ATP5MG: variants seen among roughly 807,000 people sequenced by gnomAD.
ATP5MG encodes the protein ATP synthase F(0) complex subunit g, mitochondrial.
In ATP5MG, 7 loss-of-function variants were observed where a neutral mutation model predicts 12.7. The observed-to-expected ratio is 0.55, with a 90% CI of 0.31 to 1.04. The LOEUF (loss-of-function observed/expected upper bound fraction) is 1.04, where lower values mean the gene tolerates loss of function less well. Ranked by LOEUF, ATP5MG falls within the 50% of genes least tolerant of loss-of-function variation. The pLI, the probability that ATP5MG is intolerant of heterozygous loss-of-function variation, is 0.05. For synonymous variants in ATP5MG, 53 were observed against 48.2 expected (o/e 1.10, Z -0.41); for missense variants, 116 against 126.7 (o/e 0.92, Z 0.41).
rs551867454 is a variant in ATP5MG at position 118,407,064 on chromosome 11, T to C, written c.180T>C (p.Ala60=). ...IQSLKKIVNS[A]QTGSFKQLTV... ...GCCTGAAAAAAATAGTCAATAGTGC[T>C]CAGACTGGTAGCTTCAAACAGCTCA... Residue 60 remains alanine, a synonymous_variant, in exon 2 of 3, where the codon GCT becomes GCC. Transcript: ENST00000300688. 81 of 1,614,042 alleles carry C rather than the reference T, an allele frequency of 5.0e-5. No individual in the cohort carries two copies. Among genetic ancestry groups the C allele is most frequent in the Non-Finnish European group, 6.7e-5 (79 of 1,180,032 alleles).
intron 2 of ATP5MG, 66 bp from the exon 3 acceptor site, chr11:118,408,930 AATAT>A (rs373160251): frequency 3.7e-4 from 152 of 410,550 alleles, no homozygotes; most frequent in East Asian, 6.7e-4. Context: ...AATAGTTTCA[AATAT>A]ATATATATAT....
intron 2 of ATP5MG, chr11:118,407,382 T>C (rs1948982191): frequency 6.6e-6 from 2 of 303,616 alleles, no homozygotes; most frequent in Non-Finnish European, 1.2e-5. Context: ...TTAGATAGTA[T>C]ACTAAAATAT....
intron 2 of ATP5MG, among the ~76,000 whole-genome samples, chr11:118,407,886 G>A (rs1555132392): frequency 6.6e-6 from 1 of 151,534 alleles, no homozygotes; most frequent in African/African-American, 2.4e-5. Context: ...AAAAAGGCTG[G>A]GCGCAGTGGC....
chr11:118,401,821 G>T (rs1948929876), intron 1 of ATP5MG, 104 bp downstream of exon 1: 11 of 1,399,154 alleles, frequency 7.9e-6, no homozygotes, highest in Admixed American at 5.1e-5. Flanking sequence ...GGGCCTGCGG[G>T]TGCCGGGGCG....
At chr11:118,406,234 G>A (rs1555132074) in intron 1 of ATP5MG, 1 of 152,280 alleles carries the variant, frequency 6.6e-6, no homozygotes, top group Non-Finnish European at 1.5e-5. Flanking sequence ...CAACTACCCT[G>A]GTTGTTAATG....
rs782349072 is a variant in ATP5MG at position 118,401,642 on chromosome 11, C to T, written c.-24C>T. The T allele has an allele frequency of 4.3e-6, 7 of 1,613,892 alleles. No homozygotes were observed. Among genetic ancestry groups the T allele is most frequent in the East Asian group, 2.2e-5 (1 of 44,876 alleles). On this transcript the variant is annotated 5_prime_UTR_variant, in exon 1 of 3. Transcript: ENST00000300688. ...GTGACATTCAGCCGGCGGTTCGGGG[C>T]GACGGACTCTCCATTCCAGAACCAT...
intron 2 of ATP5MG, among the ~76,000 whole-genome samples, chr11:118,408,161 C>CA (rs201664536): frequency 0.035 from 5,211 of 150,928 alleles, 288 homozygotes; most frequent in African/African-American, 0.12. Flanking sequence ...GACTCCATCT[C>CA]AAAAAAAAGA....
In ATP5MG at chr11:118,407,016, T is replaced by G. The variant is rs782641428; in HGVS notation, c.132T>G (p.Ala44=). The G allele has an allele frequency of 2.5e-6, 4 of 1,614,074 alleles. No individual in the cohort carries two copies. Residue 44 remains alanine, a synonymous_variant, in exon 2 of 3, where the codon GCT becomes GCG. Coordinates refer to ENST00000300688, the MANE Select transcript of ATP5MG (RefSeq NM_006476.5). The part of the protein sequence containing the change: ...AKVELVPPTP[A]EIPRAIQSLK... ...TTGAGCTGGTTCCTCCCACCCCTGC[T>G]GAGATCCCTAGAGCTATTCAGAGCC...
chr11:118,408,433 A>G (rs1948990912), intron 2 of ATP5MG, among the ~76,000 whole-genome samples: 1 of 152,212 alleles, frequency 6.6e-6, no homozygotes, highest in Non-Finnish European at 1.5e-5. Context: ...CCATGTATTA[A>G]TAACAGTGCT....
rs1555132558 is a variant in ATP5MG, at chr11:118,408,974, C to T, written c.214-26C>T. 4 of 1,268,440 alleles carry T rather than the reference C, an allele frequency of 3.2e-6. No homozygotes were observed. In the East Asian group the frequency reaches 8.3e-5, roughly 26 times the overall value. The allele number at this position is 1,268,440 out of a possible 1,614,324, so 78.6% of individuals were successfully genotyped here. A position where few individuals can be genotyped will look rare whatever the true frequency, so the allele number is the denominator to read the frequency against. ...AATTATATATATATATAAAAGGTAC[C>T]TTAAAATGTATGCTTCTTTTTTCAG... is the stretch of plus-strand genomic sequence containing the variant. On this transcript the variant is annotated intron_variant, in intron 2 of 2. Transcript: ENST00000300688.
chr11:118,402,520 CGTAA>C (rs1264354203), intron 1 of ATP5MG, among the ~76,000 whole-genome samples: 1 of 151,976 alleles, frequency 6.6e-6, no homozygotes, highest in Admixed American at 6.6e-5. Context: ...GCTAAATTGA[CGTAA>C]GTTTTTCCTA....
Position 118,408,408 on chromosome 11 carries a change from A to T in ATP5MG, c.214-592A>T, listed in dbSNP as rs142015870. Reference sequence around the variant, plus strand: ...TTATTTTTTCAACTAGAATTTCAAGATCCATATTATTGCTCCATGTATTAA... The same window carrying T: ...TTATTTTTTCAACTAGAATTTCAAGTTCCATATTATTGCTCCATGTATTAA... On this transcript the variant is annotated intron_variant, in intron 2 of 2. Transcript: ENST00000300688. Among the ~76,000 whole-genome samples, 18 of 152,280 alleles carry T rather than the reference A, an allele frequency of 1.2e-4. No individual in the cohort carries two copies. The East Asian group carries it at 3.1e-3, about 26-fold the overall frequency.
intron 1 of ATP5MG, chr11:118,401,994 G>A: frequency 2.3e-6 from 1 of 435,800 alleles, no homozygotes; most frequent in Admixed American, 4.0e-5. Flanking sequence ...GCGTTGCCCG[G>A]CAGCTGCAAC....
At chr11:118,407,187 T>G in intron 2 of ATP5MG, 90 bp downstream of exon 2, 1 of 1,543,358 alleles carries the variant, frequency 6.5e-7, no homozygotes, top group Non-Finnish European at 8.7e-7. Context: ...TATATATGTT[T>G]CCAATGAGGC....
At position 118,409,138 on chromosome 11, in the gene ATP5MG, T is replaced by G. The variant is rs1802486; in HGVS notation, c.*40T>G. 7.1e-7 allele frequency: 1 copy of G among 1,413,482 alleles called. No individual in the cohort carries two copies. Among genetic ancestry groups the G allele is most frequent in the African/African-American group, 1.4e-5 (1 of 69,226 alleles). 87.6% of individuals were successfully genotyped at this position (1,413,482 alleles called of 1,614,324 possible). ...CATCTGATTATATTTGATTTATTATTTGAGTGTTGTTGGACCATGTGTGAT... is the reference window on the plus strand; with the variant it reads ...CATCTGATTATATTTGATTTATTATGTGAGTGTTGTTGGACCATGTGTGAT... On this transcript the variant is annotated 3_prime_UTR_variant, in exon 3 of 3. Transcript: ENST00000300688.
rs782058231 is a variant in ATP5MG, at chr11:118,406,977, G to T, written c.93G>T (p.Trp31Cys). Residue 31 changes from tryptophan (W) to cysteine (C), a missense_variant, in exon 2 of 3, where the codon TGG becomes TGT. Trp to Cys is a radical substitution (Grantham distance 215). Coordinates refer to ENST00000300688, the MANE Select transcript of ATP5MG (RefSeq NM_006476.5). ...TYSKPRLATF[W>C]YYAKVELVPP... ...CGAAGCCTCGATTGGCCACATTTTG[G>T]TACTACGCCAAGGTTGAGCTGGTTC... 6 of 1,613,364 alleles carry T rather than the reference G, an allele frequency of 3.7e-6. No individual in the cohort carries two copies. The highest frequency in any genetic ancestry group is 5.1e-6 in the Non-Finnish European group (6 of 1,179,750).
intron 1 of ATP5MG, among the ~76,000 whole-genome samples, chr11:118,402,183 T>C (rs1235660546): frequency 6.6e-6 from 1 of 152,194 alleles, no homozygotes; most frequent in Non-Finnish European, 1.5e-5. Context: ...GGTGAGCTTT[T>C]TTGAACGTTG....
intron 2 of ATP5MG, among the ~76,000 whole-genome samples, chr11:118,408,123 C>T (rs1221561703): frequency 1.3e-5 from 2 of 151,764 alleles, no homozygotes; most frequent in African/African-American, 4.8e-5. Context: ...GATCGCGCCA[C>T]TGCACTCCAG....
At chr11:118,404,120 A>G (rs1174809040) in intron 1 of ATP5MG, 4 of 152,210 alleles carry the variant, frequency 2.6e-5, no homozygotes, top group African/African-American at 9.7e-5. Context: ...GTGGAAATAC[A>G]TTTTGCTTTA....
Sources: gnomAD v4.1 joint callset for allele counts (sites outside exome capture counted in the v4.1 genomes callset) on GRCh38, gnomAD v4.1.1 for gene constraint, MANE v1.5 for transcripts, NCBI Gene and HGNC (gene_info 2026-07-23, HGNC 2026-07-21) for gene names.